The following RAB27B variants were observed in gnomAD, a reference collection of about 807,000 sequenced individuals.
The protein encoded by RAB27B is ras-related protein Rab-27B.
A neutral mutation model predicts 24.6 loss-of-function variants in RAB27B; 15 were observed. The ratio of observed to expected loss-of-function variants is 0.61; its 90% CI spans 0.41 to 0.94. The LOEUF is 0.94. Among genes scored for constraint, RAB27B ranks in the 40% least tolerant of loss-of-function variants. The pLI is 0.00. For synonymous variants in RAB27B, 105 were observed against 92.5 expected (o/e 1.14, Z -0.78); for missense variants, 261 against 266.8 (o/e 0.98, Z 0.15).
intron 2 of RAB27B, among the ~76,000 whole-genome samples, chr18:54,768,018 A>G (rs1466222181): frequency 2.0e-5 from 3 of 152,092 alleles, no homozygotes; most frequent in African/African-American, 7.2e-5. Flanking sequence ...AGACTTGGAG[A>G]GGAAAGATGG....
chr18:54,766,096 C>T (rs1172277700), intron 2 of RAB27B, among the ~76,000 whole-genome samples: 1 of 152,132 alleles, frequency 6.6e-6, no homozygotes, highest in Non-Finnish European at 1.5e-5. Context: ...TCCAGAATTG[C>T]CTGAGAATTC....
chr18:54,798,038 G>A (rs182542188), intron 2 of RAB27B, among the ~76,000 whole-genome samples: 8 of 151,956 alleles, frequency 5.3e-5, no homozygotes, highest in African/African-American at 1.7e-4. Context: ...AAACTCCTTA[G>A]GTGGTTCTAA....
intron 2 of RAB27B, among the ~76,000 whole-genome samples, chr18:54,764,040 A>G (rs763889793): frequency 3.9e-5 from 6 of 152,156 alleles, no homozygotes; most frequent in Middle Eastern, 3.2e-3. Flanking sequence ...ATTTCTTTTC[A>G]GGAGACTATT....
chr18:54,882,340 C>T (rs1912959627), intron 3 of RAB27B, among the ~76,000 whole-genome samples: 1 of 152,114 alleles, frequency 6.6e-6, no homozygotes, highest in African/African-American at 2.4e-5. Flanking sequence ...TGAGCAAATA[C>T]CAGGTTCTGA....
At chr18:54,874,930 T>C (rs77124528) in intron 1 of RAB27B, among the ~76,000 whole-genome samples, 3,960 of 152,164 alleles carry the variant, frequency 0.026, 159 homozygotes, top group African/African-American at 0.085. Context: ...GGGGAAATCA[T>C]ACTATGGCAG....
chr18:54,800,016 A>G (rs1909552228), intron 2 of RAB27B, among the ~76,000 whole-genome samples: 1 of 152,224 alleles, frequency 6.6e-6, no homozygotes, highest in Non-Finnish European at 1.5e-5. Context: ...GACATCAACC[A>G]ACAGGAACTT....
intron 2 of RAB27B, among the ~76,000 whole-genome samples, chr18:54,814,199 T>C (rs1910053318): frequency 1.3e-5 from 2 of 152,232 alleles, no homozygotes; most frequent in African/African-American, 4.8e-5. Context: ...GGCCAGATAA[T>C]AAATATTTCA....
intron 2 of RAB27B, among the ~76,000 whole-genome samples, chr18:54,800,096 T>C (rs1332353719): frequency 2.0e-5 from 3 of 152,250 alleles, no homozygotes; most frequent in African/African-American, 4.8e-5. Flanking sequence ...GTTTTATTCA[T>C]TGATAATATT....
At chr18:54,727,216 C>T (rs780028168) in intron 2 of RAB27B, among the ~76,000 whole-genome samples, 11 of 152,116 alleles carry the variant, frequency 7.2e-5, no homozygotes, top group Non-Finnish European at 1.5e-5. Context: ...TCACGTGATC[C>T]GCCTGCCTCG....
At chr18:54,832,623 G>T (rs151085067) in intron 1 of RAB27B, among the ~76,000 whole-genome samples, 1 of 152,276 alleles carries the variant, frequency 6.6e-6, no homozygotes, top group Non-Finnish European at 1.5e-5. Flanking sequence ...GGGGCTTGAG[G>T]ACGCAGCTCT....
At chr18:54,718,508 T>C (rs941792851) in intron 2 of RAB27B, among the ~76,000 whole-genome samples, 2 of 152,220 alleles carry the variant, frequency 1.3e-5, no homozygotes, top group African/African-American at 4.8e-5. Context: ...CTTTTTATGC[T>C]TTCTTTATTT....
chr18:54,833,697 G>A (rs1458716933), intron 1 of RAB27B, among the ~76,000 whole-genome samples: 1 of 152,210 alleles, frequency 6.6e-6, no homozygotes, highest in African/African-American at 2.4e-5. Flanking sequence ...CCTCTGTGAG[G>A]AAAGGGCATT....
At chr18:54,799,614 AT>A (rs869256244) in intron 2 of RAB27B, among the ~76,000 whole-genome samples, 1 of 67,526 alleles carries the variant, frequency 1.5e-5, no homozygotes, top group African/African-American at 6.0e-5. Flanking sequence ...TAATAAAATG[AT>A]TTTTTTTTTT....
chr18:54,895,278 C>T lies in RAB27B; in HGVS notation c.*5865C>T, dbSNP rs1568122485. ...CTATATAGATCTGTTTTGTCTAGTG[C>T]TATGAATGTAACTTAAAACTATAAA... On this transcript the variant is annotated 3_prime_UTR_variant, in exon 6 of 6. Transcript: ENST00000262094. 1.3e-5 allele frequency: 2 copies of T among 151,958 alleles called. No homozygotes were observed. Among genetic ancestry groups the T allele is most frequent in the East Asian group, 3.9e-4 (2 of 5,186 alleles). The allele number at this position is 151,958 out of a possible 1,614,324, so 9.4% of individuals were successfully genotyped here.
At chr18:54,846,999 C>A (rs926755382) in intron 1 of RAB27B, among the ~76,000 whole-genome samples, 1 of 151,990 alleles carries the variant, frequency 6.6e-6, no homozygotes, top group African/African-American at 2.4e-5. Flanking sequence ...TATAGGTGCC[C>A]GCCACCACAC....
At chr18:54,745,145 T>A (rs551997654) in intron 2 of RAB27B, 7 of 163,930 alleles carry the variant, frequency 4.3e-5, no homozygotes, top group Non-Finnish European at 6.7e-5. Flanking sequence ...CACACAGGCA[T>A]CTTACACTAA....
At chr18:54,792,221 A>G (rs1056676781) in intron 2 of RAB27B, among the ~76,000 whole-genome samples, 4 of 152,160 alleles carry the variant, frequency 2.6e-5, no homozygotes, top group African/African-American at 9.7e-5. Flanking sequence ...TCGGAGCCCC[A>G]TAGCCTGCCT....
intron 2 of RAB27B, among the ~76,000 whole-genome samples, chr18:54,771,757 C>T (rs190601588): frequency 1.3e-5 from 2 of 152,150 alleles, no homozygotes; most frequent in East Asian, 3.9e-4. Context: ...GATATTTCTA[C>T]TTATAAAGAA....
At chr18:54,775,533 C>T (rs1051361923) in intron 2 of RAB27B, among the ~76,000 whole-genome samples, 5 of 152,136 alleles carry the variant, frequency 3.3e-5, no homozygotes, top group Non-Finnish European at 7.3e-5. Flanking sequence ...GCCTCCTGGC[C>T]TTCAGGATGC....
Sources: allele counts gnomAD v4.1 joint callset (sites outside exome capture counted in the v4.1 genomes callset), GRCh38; gene constraint gnomAD v4.1.1; transcripts MANE v1.5; gene names NCBI Gene and HGNC (gene_info 2026-07-23, HGNC 2026-07-21).